The following NOVA1 variants were observed in gnomAD, a reference collection of about 807,000 sequenced individuals.
NOVA1 encodes NOVA alternative splicing regulator 1.
In NOVA1, 7 loss-of-function variants were observed where a neutral mutation model predicts 38.0. The observed-to-expected ratio is 0.18, with a 90% confidence interval of 0.10 to 0.35. NOVA1 has a LOEUF of 0.35. NOVA1 is among the 10% of genes least tolerant of loss of function. NOVA1 has a pLI of 1.00. For missense variants in NOVA1, 460 were observed against 616.0 expected (o/e 0.75, Z 2.68); for synonymous variants, 270 against 232.5 (o/e 1.16, Z -1.47).
chr14:26,487,146 T>C (rs1885982391), intron 2 of NOVA1, among the ~76,000 whole-genome samples: 1 of 152,120 alleles, frequency 6.6e-6, no homozygotes, highest in South Asian at 2.1e-4. Flanking sequence ...TGAAGGACAT[T>C]GAAGGGTTTT....
intron 4 of NOVA1, among the ~76,000 whole-genome samples, chr14:26,460,734 A>G (rs1181943330): frequency 2.0e-5 from 3 of 152,164 alleles, no homozygotes; most frequent in Non-Finnish European, 4.4e-5. Context: ...TTAATTCCAA[A>G]ACGAGAAGGT....
intron 3 of NOVA1, among the ~76,000 whole-genome samples, chr14:26,473,698 C>T (rs57348664): frequency 6.6e-6 from 1 of 151,968 alleles, no homozygotes; most frequent in African/African-American, 2.4e-5. Flanking sequence ...CTGTTTCTAA[C>T]ATCATACCAT....
intron 2 of NOVA1, among the ~76,000 whole-genome samples, chr14:26,554,750 G>T (rs1392055744): frequency 6.6e-6 from 1 of 152,106 alleles, no homozygotes; most frequent in Non-Finnish European, 1.5e-5. Context: ...TAGTGATTTT[G>T]ACTATTCATT....
chr14:26,512,434 G>GTA (rs570626565), intron 2 of NOVA1, among the ~76,000 whole-genome samples: 104 of 152,262 alleles, frequency 6.8e-4, no homozygotes, highest in African/African-American at 2.1e-3. Context: ...CTCACCACCT[G>GTA]TTTTTGTGAA....
At chr14:26,491,082 C>T (rs1886305125) in intron 2 of NOVA1, among the ~76,000 whole-genome samples, 2 of 152,020 alleles carry the variant, frequency 1.3e-5, no homozygotes, top group African/African-American at 2.4e-5. Flanking sequence ...GATCTCCTGG[C>T]CTCATGATCC....
chr14:26,549,736 C>A (rs1891050520), intron 2 of NOVA1: 1 of 1,289,064 alleles, frequency 7.8e-7, no homozygotes, highest in Non-Finnish European at 1.0e-6. Flanking sequence ...TGGAGAAATA[C>A]CTTCTGTACA....
At chr14:26,494,957 T>C (rs968963626) in intron 2 of NOVA1, among the ~76,000 whole-genome samples, 5 of 152,184 alleles carry the variant, frequency 3.3e-5, no homozygotes, top group Non-Finnish European at 7.3e-5. Flanking sequence ...CTAAACCCTT[T>C]ACTATGGCTT....
intron 3 of NOVA1, among the ~76,000 whole-genome samples, chr14:26,473,226 C>T (rs966403321): frequency 2.7e-5 from 4 of 149,006 alleles, no homozygotes; most frequent in Admixed American, 6.7e-5. Flanking sequence ...TTGTATAAGG[C>T]CATCTACACA....
chr14:26,525,954 T>C (rs998176979), intron 2 of NOVA1, among the ~76,000 whole-genome samples: 4 of 152,122 alleles, frequency 2.6e-5, no homozygotes, highest in Admixed American at 2.6e-4. Context: ...TGTTATTAAA[T>C]AGCTTTAAGT....
chr14:26,518,512 G>A (rs1479848299), intron 2 of NOVA1, among the ~76,000 whole-genome samples: 1 of 151,850 alleles, frequency 6.6e-6, no homozygotes, highest in Non-Finnish European at 1.5e-5. Context: ...TTATTTTTAA[G>A]TTTCACTCTG....
chr14:26,558,856 A>G (rs1213458859), intron 2 of NOVA1, among the ~76,000 whole-genome samples: 1 of 152,088 alleles, frequency 6.6e-6, no homozygotes, highest in Non-Finnish European at 1.5e-5. Context: ...ATTCTAAAAT[A>G]CTCTAGCCTA....
chr14:26,533,416 A>G (rs764612691), intron 2 of NOVA1, among the ~76,000 whole-genome samples: 3 of 152,176 alleles, frequency 2.0e-5, no homozygotes, highest in Non-Finnish European at 4.4e-5. Context: ...ATGTGAATAT[A>G]CTGATGATAA....
At chr14:26,488,407 A>G (rs1011423364) in intron 2 of NOVA1, among the ~76,000 whole-genome samples, 6 of 152,194 alleles carry the variant, frequency 3.9e-5, no homozygotes, top group African/African-American at 1.4e-4. Context: ...CAAATGGAAT[A>G]CTAATTTACT....
intron 2 of NOVA1, among the ~76,000 whole-genome samples, chr14:26,521,189 A>C (rs1313486075): frequency 6.6e-6 from 1 of 152,018 alleles, no homozygotes; most frequent in Non-Finnish European, 1.5e-5. Context: ...GAAAAGGTGT[A>C]AAGAAAAAGT....
chr14:26,530,466 A>AT (rs1308897863), intron 2 of NOVA1, among the ~76,000 whole-genome samples: 10 of 152,230 alleles, frequency 6.6e-5, no homozygotes, highest in Non-Finnish European at 1.2e-4. Context: ...AAATGTGCCT[A>AT]TATATAAATA....
At chr14:26,453,328 C>A (rs577040115) in intron 4 of NOVA1, among the ~76,000 whole-genome samples, 2 of 151,954 alleles carry the variant, frequency 1.3e-5, no homozygotes, top group East Asian at 3.9e-4. Flanking sequence ...CTGGTTCAGC[C>A]TCCTGAGTAG....
intron 2 of NOVA1, among the ~76,000 whole-genome samples, chr14:26,530,328 AAAT>A (rs1444746952): frequency 1.3e-5 from 2 of 152,330 alleles, no homozygotes; most frequent in African/African-American, 2.4e-5. Context: ...TCATCCTATT[AAAT>A]AATATACAGC....
intron 2 of NOVA1, among the ~76,000 whole-genome samples, chr14:26,558,829 C>G (rs1204395729): frequency 6.6e-6 from 1 of 151,978 alleles, no homozygotes; most frequent in East Asian, 1.9e-4. Context: ...TAAAAATATT[C>G]AAACCATACT....
chr14:26,468,093 C>T (rs748329972), intron 4 of NOVA1, among the ~76,000 whole-genome samples: 1 of 152,006 alleles, frequency 6.6e-6, no homozygotes, highest in Non-Finnish European at 1.5e-5. Context: ...GTGGTGAGAA[C>T]GTTACTCCTG....
Sources: allele counts gnomAD v4.1 joint callset (sites outside exome capture counted in the v4.1 genomes callset), GRCh38; gene constraint gnomAD v4.1.1; transcripts MANE v1.5; gene names NCBI Gene and HGNC (gene_info 2026-07-23, HGNC 2026-07-21).